The following SLCO3A1 variants were observed in gnomAD, a reference collection of about 807,000 sequenced individuals.
SLCO3A1 encodes the protein PGE1 transporter.
Under a neutral mutation model 63.1 loss-of-function variants are expected in SLCO3A1, and 27 were observed. The ratio of observed to expected loss-of-function variants is 0.43; its 90% confidence interval spans 0.32 to 0.59. SLCO3A1 has a LOEUF of 0.59. Ranked by LOEUF, SLCO3A1 falls within the 20% of genes least tolerant of loss-of-function variation. SLCO3A1 has a pLI of 0.09. For missense variants in SLCO3A1, 773 were observed against 945.8 expected (o/e 0.82, Z 2.40); for synonymous variants, 473 against 409.9 (o/e 1.15, Z -1.86).
chr15:92,117,059 G>A (rs1249258320), intron 4 of SLCO3A1, among the ~76,000 whole-genome samples: 1 of 152,206 alleles, frequency 6.6e-6, no homozygotes, highest in South Asian at 2.1e-4. Flanking sequence ...TCTTGACAAG[G>A]AATCCTTCCC....
intron 7 of SLCO3A1, among the ~76,000 whole-genome samples, chr15:92,142,956 C>T (rs769887642): frequency 6.6e-6 from 1 of 152,052 alleles, no homozygotes; most frequent in Non-Finnish European, 1.5e-5. Context: ...ACTTGTTAAA[C>T]CAAAGAAAGC....
chr15:92,120,005 A>G (rs1297968366), intron 4 of SLCO3A1, among the ~76,000 whole-genome samples: 2 of 152,160 alleles, frequency 1.3e-5, no homozygotes, highest in Non-Finnish European at 2.9e-5. Flanking sequence ...ACACATATAT[A>G]TATATAGATC....
chr15:92,158,485 G>T (rs1488236708), intron 9 of SLCO3A1, among the ~76,000 whole-genome samples: 1 of 152,206 alleles, frequency 6.6e-6, no homozygotes, highest in Non-Finnish European at 1.5e-5. Context: ...TGGTTATGGA[G>T]GGGACGCATA....
At position 91,878,233 on chromosome 15, in the gene SLCO3A1, G is replaced by A. The variant is rs140724804; in HGVS notation, c.180+24145G>A. ...CCCGGATAGCTGGGATTACAGGCACGTGCCACCACACCTGGATAATTTTTG... is the reference window on the plus strand; with the variant it reads ...CCCGGATAGCTGGGATTACAGGCACATGCCACCACACCTGGATAATTTTTG... On this transcript the variant is annotated intron_variant, in intron 1 of 9. Coordinates refer to ENST00000318445, the MANE Select transcript of SLCO3A1 (RefSeq NM_013272.4). Among the ~76,000 whole-genome samples, 687 of 151,906 alleles carry A rather than the reference G, an allele frequency of 4.5e-3. 4 individuals carry two copies. The highest frequency in any genetic ancestry group is 0.016 in the African/African-American group (662 of 41,422).
chr15:91,880,166 C>T (rs36097225), intron 1 of SLCO3A1, among the ~76,000 whole-genome samples: 25,755 of 125,268 alleles, frequency 0.21, 2,869 homozygotes, highest in Middle Eastern at 0.26. Flanking sequence ...TCCATCCATC[C>T]ATCCATCTAT....
intron 6 of SLCO3A1, among the ~76,000 whole-genome samples, chr15:92,128,132 G>A (rs1340806192): frequency 1.3e-5 from 2 of 152,166 alleles, no homozygotes; most frequent in African/African-American, 2.4e-5. Context: ...ATTGGCCAGG[G>A]CACAACCCAC....
At chr15:92,028,791 A>T (rs2046607853) in intron 2 of SLCO3A1, among the ~76,000 whole-genome samples, 1 of 152,198 alleles carries the variant, frequency 6.6e-6, no homozygotes, top group East Asian at 1.9e-4. Flanking sequence ...CAAGTGGAGA[A>T]TGCCAGAAGT....
chr15:92,041,268 A>G (rs574424219), intron 2 of SLCO3A1, among the ~76,000 whole-genome samples: 2 of 152,234 alleles, frequency 1.3e-5, no homozygotes, highest in Admixed American at 6.5e-5. Flanking sequence ...GTTTCCATCA[A>G]TCAACAGGTA....
At chr15:91,951,475 A>T (rs1899996609) in intron 2 of SLCO3A1, among the ~76,000 whole-genome samples, 1 of 151,094 alleles carries the variant, frequency 6.6e-6, no homozygotes, top group Non-Finnish European at 1.5e-5. Flanking sequence ...ACATTTGGTT[A>T]TTTCCACTTT....
At chr15:91,928,944 T>C (rs1218145188) in intron 2 of SLCO3A1, among the ~76,000 whole-genome samples, 2 of 152,210 alleles carry the variant, frequency 1.3e-5, no homozygotes, top group African/African-American at 2.4e-5. Context: ...TTGATGAAGC[T>C]GACTTGCTTT....
intron 1 of SLCO3A1, among the ~76,000 whole-genome samples, chr15:91,881,237 A>AT (rs1237630110): frequency 6.6e-6 from 1 of 151,858 alleles, no homozygotes; most frequent in African/African-American, 2.4e-5. Context: ...AGCAGAGGGA[A>AT]TTTTTTCCTT....
intron 2 of SLCO3A1, among the ~76,000 whole-genome samples, chr15:91,984,410 CAA>C (rs1187085527): frequency 6.6e-6 from 1 of 152,194 alleles, no homozygotes; most frequent in Non-Finnish European, 1.5e-5. Context: ...AGAATTTCTG[CAA>C]AGTCTGGATA....
At chr15:92,170,455 A>C (rs1054900797), downstream of SLCO3A1, among the ~76,000 whole-genome samples, 1 of 152,228 alleles carries the variant, frequency 6.6e-6, no homozygotes, top group African/African-American at 2.4e-5. Context: ...ACAGGTCTGA[A>C]AACTAAAGCT....
intron 1 of SLCO3A1, among the ~76,000 whole-genome samples, chr15:91,901,152 G>C (rs561719992): frequency 6.6e-6 from 1 of 151,630 alleles, no homozygotes; most frequent in South Asian, 2.1e-4. Context: ...CTCATGTTTT[G>C]AATTATTTTC....
chr15:92,150,959 C>A lies in SLCO3A1; in HGVS notation c.1698C>A (p.Ser566Arg). ...PSVIILIRTV[S>R]PELKSYALGV... ...ATCTCTTTGCACGTAGGACAGTCAG[C>A]CCTGAACTCAAGTCTTACGCTTTGG... Residue 566 changes from serine (S) to arginine (R), a missense_variant, in exon 9 of 10, where the codon AGC (serine) becomes AGA (arginine). Ser to Arg is a moderately radical substitution (Grantham distance 110). Coordinates refer to ENST00000318445, the MANE Select transcript of SLCO3A1 (RefSeq NM_013272.4). The A allele has an allele frequency of 1.2e-6, 2 of 1,612,100 alleles. No individual in the cohort carries two copies. The highest frequency in any genetic ancestry group is 1.7e-6 in the Non-Finnish European group (2 of 1,179,202).
At chr15:91,881,566 T>C (rs1193983219) in intron 1 of SLCO3A1, among the ~76,000 whole-genome samples, 3 of 62,208 alleles carry the variant, frequency 4.8e-5, no homozygotes, top group African/African-American at 2.8e-4. Flanking sequence ...ATATTTAAGC[T>C]GTTGACCTAA....
intron 2 of SLCO3A1, among the ~76,000 whole-genome samples, chr15:91,937,944 T>C (rs1899474693): frequency 6.6e-6 from 1 of 152,192 alleles, no homozygotes; most frequent in Non-Finnish European, 1.5e-5. Flanking sequence ...CTTATGGGGT[T>C]ATGAGTACCT....
intron 2 of SLCO3A1, among the ~76,000 whole-genome samples, chr15:92,058,877 T>C (rs778358460): frequency 5.3e-5 from 8 of 152,196 alleles, no homozygotes; most frequent in Non-Finnish European, 1.2e-4. Context: ...CCCTTCAATC[T>C]CTGCCTGCAA....
chr15:92,036,510 C>T (rs955367762), intron 2 of SLCO3A1, among the ~76,000 whole-genome samples: 12 of 152,090 alleles, frequency 7.9e-5, no homozygotes, highest in Non-Finnish European at 1.3e-4. Flanking sequence ...CCCTGGGCAG[C>T]GGCATTGCTT....
Sources: allele counts gnomAD v4.1 joint callset (sites outside exome capture counted in the v4.1 genomes callset), GRCh38; gene constraint gnomAD v4.1.1; transcripts MANE v1.5; gene names NCBI Gene and HGNC (gene_info 2026-07-23, HGNC 2026-07-21).